MYO15A: variants seen among roughly 807,000 people sequenced by gnomAD.
The protein encoded by MYO15A is unconventional myosin-XV.
MYO15A carries 308 observed loss-of-function variants against 394.6 expected under a neutral mutation model. That is an observed-to-expected ratio of 0.78 (90% CI 0.71 to 0.86). The LOEUF is 0.86. Among genes scored for constraint, MYO15A ranks in the 40% least tolerant of loss-of-function variants. The probability of loss-of-function intolerance (pLI) is 0.00; values close to 1 mark genes in which losing one functional copy is unlikely to be tolerated. For missense variants in MYO15A, 4,606 were observed against 4,799.1 expected (o/e 0.96, Z 1.19); for synonymous variants, 1,957 against 2,003.8 (o/e 0.98, Z 0.62).
Position 18,133,384 on chromosome 17 carries a change from G to A in MYO15A, c.4480G>A (p.Glu1494Lys). ...HLGNVYFEKYETDAQEVASVV... is the reference protein window; with the variant it reads ...HLGNVYFEKYKTDAQEVASVV... ...GGGCAACGTCTACTTTGAGAAGTATGAGGTGAGGGGACGCCACAGCCTGCC... is the reference window on the plus strand; with the variant it reads ...GGGCAACGTCTACTTTGAGAAGTATAAGGTGAGGGGACGCCACAGCCTGCC... Residue 1494 changes from glutamate to lysine, a missense_variant and splice_region_variant, in exon 12 of 66, where the codon GAG becomes AAG. Glu to Lys is a moderately conservative substitution (Grantham distance 56). This residue lies in a region of MYO15A where 2,776 missense variants were observed against 3,109.3 expected (regional missense o/e 0.89). Coordinates refer to ENST00000647165, the MANE Select transcript of MYO15A (RefSeq NM_016239.4). 2 of 1,613,996 alleles carry A rather than the reference G, an allele frequency of 1.2e-6. No individual in the cohort carries two copies. Among genetic ancestry groups the A allele is most frequent in the Non-Finnish European group, 1.7e-6 (2 of 1,179,880 alleles).
intron 7 of MYO15A, among the ~76,000 whole-genome samples, chr17:18,127,817 G>A (rs1428975696): frequency 8.0e-6 from 1 of 124,404 alleles, no homozygotes; most frequent in African/African-American, 3.0e-5. Context: ...AGTGGTGGAG[G>A]TGGGAAGAAA....
In MYO15A at chr17:18,148,262, AGT is replaced by A. The variant is rs762589540; in HGVS notation, c.6691+54_6691+55del. On this transcript the variant is annotated intron_variant, in intron 31 of 65. Coordinates refer to ENST00000647165, the MANE Select transcript of MYO15A (RefSeq NM_016239.4). This position sits in a 1 kb window ranked among gnomAD's most constrained non-coding sequence, Gnocchi z 4.8. ...AGGGCAGTGGGAGTCAGCAGGGCCC[AGT>A]GAGCCCCGGGGATGGCAGAAGCCAC... 44 of 1,607,448 alleles carry A rather than the reference AGT, an allele frequency of 2.7e-5. No homozygotes were observed. The highest frequency in any genetic ancestry group is 8.4e-5 in the Admixed American group (5 of 59,696).
Position 18,169,144 on chromosome 17 carries a change from AT to A in MYO15A, c.10082+1422del, listed in dbSNP as rs1597822416. Among the ~76,000 whole-genome samples the A allele has an allele frequency of 8.6e-5, 12 of 138,840 alleles. 1 individual carries two copies. The East Asian group carries it at 2.0e-3, about 24-fold the overall frequency. The allele number at this position is 138,840 out of a possible 152,430, so 91.1% of individuals were successfully genotyped here. ...AATAATAATAATAATAATAATAATA[AT>A]AATAATAATAATAAAAATAGGCTGG... On this transcript the variant is annotated intron_variant, in intron 62 of 65. Transcript: ENST00000647165.
Position 18,130,829 on chromosome 17 carries a change from T to TG in MYO15A, c.4038+20dup, listed in dbSNP as rs2046145051. On this transcript the variant is annotated intron_variant, in intron 8 of 65. Coordinates refer to ENST00000647165, the MANE Select transcript of MYO15A (RefSeq NM_016239.4). Reference sequence around the variant, plus strand: ...GATAAAGGTACTCAGTGTGTGTGTGTGTGTGTGTGTGTGTGTGTGTGTGTG... The same window carrying TG: ...GATAAAGGTACTCAGTGTGTGTGTGTGGTGTGTGTGTGTGTGTGTGTGTGTG... 4 of 1,367,502 alleles carry TG rather than the reference T, an allele frequency of 2.9e-6. No homozygotes were observed. Among genetic ancestry groups the TG allele is most frequent in the Non-Finnish European group, 4.1e-6 (4 of 985,378 alleles). The allele number at this position is 1,367,502 out of a possible 1,614,324, so 84.7% of individuals were successfully genotyped here.
Position 18,120,033 on chromosome 17 carries a change from C to T in MYO15A, c.1233C>T (p.Tyr411=). ...YPEESASAFV[Y]PWVPPPIPSP... ...AGGAGTCGGCTTCGGCCTTTGTGTA[C>T]CCCTGGGTACCACCGCCCATCCCGT... is the stretch of plus-strand genomic sequence containing the variant. The change falls in exon 2 of 66, where the codon TAC becomes TAT. Residue 411 remains tyrosine, a synonymous_variant. Transcript: ENST00000647165. 6.2e-7 allele frequency: 1 copy of T among 1,613,602 alleles called. No homozygotes were observed.
Position 18,122,091 on chromosome 17 carries a change from A to C in MYO15A, c.3291A>C (p.Pro1097=). Residue 1097 remains proline (P), a synonymous_variant, in exon 2 of 66, where the codon CCA becomes CCC. Transcript: ENST00000647165. ...CCCCCTTGGCGCCCATCAGGGCCCCAGAGCCCCTGCCCAAGGGGGGTGAAC... is the reference window on the plus strand; with the variant it reads ...CCCCCTTGGCGCCCATCAGGGCCCCCGAGCCCCTGCCCAAGGGGGGTGAAC... ...AAAPLAPIRA[P]EPLPKGGERR... is the part of the protein sequence containing the mutation. 1 of 1,612,820 alleles carries C rather than the reference A, an allele frequency of 6.2e-7. No individual in the cohort carries two copies. Among genetic ancestry groups the C allele is most frequent in the South Asian group, 1.1e-5 (1 of 91,080 alleles).
chr17:18,161,702 A>C (rs1421025233), intron 57 of MYO15A, among the ~76,000 whole-genome samples: 1 of 152,174 alleles, frequency 6.6e-6, no homozygotes. Flanking sequence ...AGGGATTTCC[A>C]GGTGGAGTGA....
chr17:18,163,603 C>A, intron 59 of MYO15A, 139 bp from the exon 60 acceptor site: 1 of 820,634 alleles, frequency 1.2e-6, no homozygotes, highest in South Asian at 1.5e-5. Context: ...GGCTGATTCT[C>A]AGAGACCTCA....
chr17:18,175,188 G>T (rs1240381813), intron 65 of MYO15A, among the ~76,000 whole-genome samples: 1 of 151,182 alleles, frequency 6.6e-6, no homozygotes, highest in African/African-American at 2.4e-5. Flanking sequence ...CAAAGTGCTG[G>T]GATTATAAGC....
intron 58 of MYO15A, among the ~76,000 whole-genome samples, chr17:18,162,994 C>T (rs1034898051): frequency 7.9e-5 from 12 of 152,100 alleles, no homozygotes; most frequent in Admixed American, 6.5e-4. Flanking sequence ...AGCGAGACTC[C>T]ATGTCAAAAA....
At chr17:18,130,758 T>C (rs371411175) in intron 7 of MYO15A, 47 bp from the exon 8 acceptor site, 2 of 1,613,078 alleles carry the variant, frequency 1.2e-6, no homozygotes, top group African/African-American at 2.7e-5. Context: ...GTGACTCCAT[T>C]CTGTTCTTGT....
At position 18,122,279 on chromosome 17, in the gene MYO15A, G is replaced by C. The variant is rs375220157; in HGVS notation, c.3479G>C (p.Arg1160Pro). ...CSLRWSCLWL[R>P]ADAYGPWPRV... ...CTTCGCTGGTCCTGCCTCTGGCTTC[G>C]GGCAGATGCCTATGGACCCTGGCCA... Residue 1160 changes from arginine to proline, a missense_variant, in exon 2 of 66, where the codon CGG becomes CCG. Physicochemically the swap from Arg to Pro is moderately radical, Grantham distance 103 (BLOSUM62 -2). Coordinates refer to ENST00000647165, the MANE Select transcript of MYO15A (RefSeq NM_016239.4). 1.7e-5 allele frequency: 27 copies of C among 1,613,066 alleles called. No individual in the cohort carries two copies. The South Asian group carries it at 3.0e-4, about 18-fold the overall frequency.
intron 7 of MYO15A, among the ~76,000 whole-genome samples, chr17:18,130,466 C>T: frequency 6.6e-6 from 1 of 151,824 alleles, no homozygotes; most frequent in East Asian, 1.9e-4. Context: ...GCAGAGGGAA[C>T]AGGAGATGCC....
chr17:18,135,890 G>T, intron 13 of MYO15A, 66 bp downstream of exon 13: 1 of 1,460,590 alleles, frequency 6.8e-7, no homozygotes, highest in Non-Finnish European at 9.4e-7. Context: ...AGCTGCTTGT[G>T]CCGATCCTTT....
In MYO15A at chr17:18,119,276, G is replaced by A. The variant is rs1320772144; in HGVS notation, c.476G>A (p.Trp159Ter). 2 of 1,612,090 alleles carry A rather than the reference G, an allele frequency of 1.2e-6. No individual in the cohort carries two copies. The highest frequency in any genetic ancestry group is 1.7e-6 in the Non-Finnish European group (2 of 1,179,850). ...AGCGAACAGGCCACAGTGGACGCCT[G>A]GCTGCAGCGCTCGAGCTCCCGCATG... ...SGSEQATVDA[W>*]LQRSSSRMGS... The change falls in exon 2 of 66, where the codon TGG (tryptophan) becomes TAG (stop). Residue 159 changes from tryptophan (W) to a stop codon, truncating the protein, a stop_gained. Transcript: ENST00000647165. LOFTEE classifies it high-confidence loss of function.
intron 47 of MYO15A, 159 bp from the exon 48 acceptor site, chr17:18,156,036 G>A: frequency 9.0e-7 from 1 of 1,111,652 alleles, no homozygotes; most frequent in South Asian, 1.4e-5. Context: ...CTGGGTCAGA[G>A]AGGGGAAGCA....
In MYO15A at chr17:18,120,534, G is replaced by T. The variant is rs747472746; in HGVS notation, c.1734G>T (p.Lys578Asn). ...CCTCGCTTGCGCGGTTCCTCAAGAA[G>T]ACGCTGTCGGAGAAGAAGCCCATCG... ...PATSLARFLK[K>N]TLSEKKPIAR... is the part of the protein sequence containing the mutation. Residue 578 changes from lysine to asparagine, a missense_variant, in exon 2 of 66, where the codon AAG (lysine) becomes AAT (asparagine). Around this residue, in one of 2 missense-constraint regions of MYO15A, gnomAD observed 1,830 missense variants for 1,689.7 expected, o/e 1.08. Coordinates refer to ENST00000647165, the MANE Select transcript of MYO15A (RefSeq NM_016239.4). 4.4e-6 allele frequency: 7 copies of T among 1,593,830 alleles called. No individual in the cohort carries two copies. The highest frequency in any genetic ancestry group is 6.0e-6 in the Non-Finnish European group (7 of 1,172,882).
Position 18,119,378 on chromosome 17 carries a change from G to T in MYO15A, c.578G>T (p.Ser193Ile), listed in dbSNP as rs770662355. The change falls in exon 2 of 66, where the codon AGC (serine) becomes ATC (isoleucine). Residue 193 changes from serine (S) to isoleucine (I), a missense_variant. Ser to Ile is a moderately radical substitution (Grantham distance 142). This residue lies in a region of MYO15A where 1,830 missense variants were observed against 1,689.7 expected (regional missense o/e 1.08). Transcript: ENST00000647165. ...PGGRLRRFPRSRSIYASGEPL... is the reference protein window; with the variant it reads ...PGGRLRRFPRIRSIYASGEPL... Reference sequence around the variant, plus strand: ...GGCCGGCTCCGGAGGTTCCCCCGCAGCCGCAGCATCTACGCGTCAGGCGAG... The same window carrying T: ...GGCCGGCTCCGGAGGTTCCCCCGCATCCGCAGCATCTACGCGTCAGGCGAG... 1 of 1,610,406 alleles carries T rather than the reference G, an allele frequency of 6.2e-7. No homozygotes were observed. The highest frequency in any genetic ancestry group is 8.5e-7 in the Non-Finnish European group (1 of 1,179,586).
chr17:18,142,309 G>A (rs1369638230), intron 24 of MYO15A, 55 bp downstream of exon 24: 1 of 1,574,638 alleles, frequency 6.4e-7, no homozygotes, highest in Non-Finnish European at 8.6e-7. Context: ...GCTCGGGAGA[G>A]GTCACGCCTG....
Sources: allele counts gnomAD v4.1 joint callset (sites outside exome capture counted in the v4.1 genomes callset), GRCh38; gene constraint gnomAD v4.1.1; regional missense constraint gnomAD v4.1.1; non-coding constraint Gnocchi (gnomAD v3.1); transcripts MANE v1.5; gene names NCBI Gene and HGNC (gene_info 2026-07-23, HGNC 2026-07-21).